The following MSI1 variants were observed in gnomAD, a reference collection of about 807,000 sequenced individuals.
MSI1 encodes the protein RNA-binding protein Musashi homolog 1.
Under a neutral mutation model 54.4 loss-of-function variants are expected in MSI1, and 15 were observed. The observed-to-expected ratio is 0.28, with a 90% CI of 0.18 to 0.42. The LOEUF (loss-of-function observed/expected upper bound fraction) is 0.42, where lower values mean the gene tolerates loss of function less well. MSI1 is among the 20% of genes least tolerant of loss of function. MSI1 has a pLI of 1.00. For missense variants in MSI1, 304 were observed against 506.0 expected, an observed-to-expected ratio of 0.60 and a Z score of 3.83; for synonymous variants, 200 against 196.5, an observed-to-expected ratio of 1.02 and a Z score of -0.15.
At chr12:120,348,893 CA>C (rs951238394) in intron 11 of MSI1, among the ~76,000 whole-genome samples, 24 of 150,940 alleles carry the variant, frequency 1.6e-4, no homozygotes, top group African/African-American at 5.6e-4. Context: ...AACTTCATCT[CA>C]AAAAAAATAA....
At chr12:120,345,491 G>A in intron 14 of MSI1, 79 bp downstream of exon 14, 1 of 1,282,102 alleles carries the variant, frequency 7.8e-7, no homozygotes, top group Non-Finnish European at 1.1e-6. Context: ...GCAGGGATGG[G>A]GTCTGTGTCC....
At chr12:120,364,085 G>A (rs1363211226) in intron 5 of MSI1, among the ~76,000 whole-genome samples, 4 of 152,190 alleles carry the variant, frequency 2.6e-5, no homozygotes, top group Non-Finnish European at 5.9e-5. Context: ...AGACTCTTAG[G>A]CCCCTGCCCT....
intron 5 of MSI1, among the ~76,000 whole-genome samples, chr12:120,364,179 C>G (rs1592949069): frequency 6.6e-6 from 1 of 152,210 alleles, no homozygotes; most frequent in South Asian, 2.1e-4. Context: ...ACTGGGAGAA[C>G]TCGCCAGAGC....
intron 9 of MSI1, among the ~76,000 whole-genome samples, chr12:120,355,053 A>T (rs892451468): frequency 6.6e-6 from 1 of 151,118 alleles, no homozygotes; most frequent in Non-Finnish European, 1.5e-5. Context: ...AAAAAAAAAA[A>T]AAAGAGCATT....
rs77432606 is a variant in MSI1 at position 120,368,059 on chromosome 12, C to G, written c.216G>C (p.Ala72=). 2.0e-4 allele frequency: 330 copies of G among 1,613,800 alleles called. No individual in the cohort carries two copies. The African/African-American group carries it at 3.0e-3, about 15-fold the overall frequency. The change falls in exon 4 of 15, where the codon GCG becomes GCC. Residue 72 remains alanine (A), a synonymous_variant. Coordinates refer to ENST00000257552, the MANE Select transcript of MSI1 (RefSeq NM_002442.4). This position sits in a 1 kb window ranked among gnomAD's most constrained non-coding sequence, Gnocchi z 6.6. ...GFGFVTFMDQ[A]GVDKVLAQSR... ...ATTGCGCCAGCACTTTATCCACCCC[C>G]GCCTGGTCCATGAAAGTGACGAAGC... is the stretch of plus-strand genomic sequence containing the variant.
chr12:120,368,320 T>TCCC lies in MSI1; in HGVS notation c.101-50_101-48dup. 2 of 1,249,210 alleles carry TCCC rather than the reference T, an allele frequency of 1.6e-6. No individual in the cohort carries two copies. Among genetic ancestry groups the TCCC allele is most frequent in the Middle Eastern group, 2.2e-4 (1 of 4,604 alleles). 77.4% of individuals were successfully genotyped at this position (1,249,210 alleles called of 1,614,324 possible). A position where few individuals can be genotyped will look rare whatever the true frequency, so the allele number is the denominator to read the frequency against. Reference sequence around the variant, plus strand: ...CGGACCAGCCCGGGCCCCGCGCCCTTCCCCCCCCCCCGTCCTTTGCCCCCG... The same window carrying TCCC: ...CGGACCAGCCCGGGCCCCGCGCCCTTCCCCCCCCCCCCCCGTCCTTTGCCCCCG... On this transcript the variant is annotated intron_variant, in intron 2 of 14. Transcript: ENST00000257552. The surrounding 1 kb of genome is among the most constrained non-coding windows in gnomAD (Gnocchi z 6.6).
Position 120,347,518 on chromosome 12 carries a change from A to C in MSI1, c.791-4T>G, listed in dbSNP as rs1291590069. Reference sequence around the variant, plus strand: ...CCGTAGGCAGTGAGAGGAATGGCTGAAAGGAAAGGGATGGGCACATCAGCA... The same window carrying C: ...CCGTAGGCAGTGAGAGGAATGGCTGCAAGGAAAGGGATGGGCACATCAGCA... On this transcript the variant is annotated splice_region_variant and splice_polypyrimidine_tract_variant and intron_variant, in intron 11 of 14. Transcript: ENST00000257552. The C allele has an allele frequency of 2.5e-6, 4 of 1,614,022 alleles. No homozygotes were observed. Among genetic ancestry groups the C allele is most frequent in the East Asian group, 2.2e-5 (1 of 44,872 alleles).
At chr12:120,345,077 G>A (rs1436525792) in intron 14 of MSI1, among the ~76,000 whole-genome samples, 1 of 149,816 alleles carries the variant, frequency 6.7e-6, no homozygotes, top group African/African-American at 2.5e-5. Flanking sequence ...TGTGGCCTGC[G>A]CTGGTGGCTC....
chr12:120,362,909 GC>G, intron 6 of MSI1, 133 bp downstream of exon 6: 1 of 753,660 alleles, frequency 1.3e-6, no homozygotes, highest in East Asian at 2.5e-5. Context: ...GGCCTGGTCT[GC>G]CCCCACAGCA....
chr12:120,356,880 G>A (rs1369317517), intron 9 of MSI1, 22 bp downstream of exon 9: 5 of 1,605,978 alleles, frequency 3.1e-6, no homozygotes, highest in South Asian at 2.2e-5. Context: ...GAAAGAAGCC[G>A]CAGGCGCAGG....
chr12:120,351,347 T>C lies in MSI1; in HGVS notation c.787A>G (p.Thr263Ala). The C allele has an allele frequency of 6.2e-7, 1 of 1,613,286 alleles. No individual in the cohort carries two copies. Among genetic ancestry groups the C allele is most frequent in the South Asian group, 1.1e-5 (1 of 90,984 alleles). Residue 263 changes from threonine (T) to alanine (A), a missense_variant, in exon 11 of 15, where the codon ACA becomes GCA. Thr to Ala is a moderately conservative substitution (Grantham distance 58). This residue lies in a region of MSI1 where 147 missense variants were observed against 231.5 expected (regional missense o/e 0.64). Transcript: ENST00000257552. ...LPSAPVLPEL[T>A]AIPLTAYGPM... The stretch of plus-strand genomic sequence containing the variant: ...ATACAAAATCCGAGCGACTGACCTG[T>C]AAGCTCGGGGAGGACTGGGGCGCTC...
At chr12:120,359,960 C>T (rs1338279348) in intron 6 of MSI1, among the ~76,000 whole-genome samples, 1 of 152,044 alleles carries the variant, frequency 6.6e-6, no homozygotes, top group African/African-American at 2.4e-5. Flanking sequence ...TACTCTCCTT[C>T]CCTCTACTTC....
chr12:120,364,905 A>G, intron 4 of MSI1, 150 bp from the exon 5 acceptor site: 1 of 611,510 alleles, frequency 1.6e-6, no homozygotes. Flanking sequence ...AATAGTGGTT[A>G]AGCATTTATT....
chr12:120,358,874 C>T (rs920378119), intron 7 of MSI1, 131 bp downstream of exon 7: 3 of 1,075,650 alleles, frequency 2.8e-6, no homozygotes, highest in Non-Finnish European at 1.4e-6. Context: ...TTCTGTAAGG[C>T]CAGGCCTGGG....
chr12:120,347,854 G>A (rs1056613914), intron 11 of MSI1, among the ~76,000 whole-genome samples: 2 of 152,148 alleles, frequency 1.3e-5, no homozygotes, highest in African/African-American at 2.4e-5. Context: ...GCCCGCAGCT[G>A]CCCCCTTCTC....
chr12:120,347,329 T>C (rs1287992237), intron 12 of MSI1, 117 bp downstream of exon 12: 4 of 1,204,852 alleles, frequency 3.3e-6, no homozygotes, highest in African/African-American at 3.0e-5. Context: ...AGGTGATACT[T>C]GAGTGAATGA....
rs752569477 is a variant in MSI1, at chr12:120,358,994, G to T, written c.451+11C>A. ...GGCCCAGCCTGGGAAGGGGGAGGGGGCCACACTCACCTCGGTGCCGGTTGG... is the reference window on the plus strand; with the variant it reads ...GGCCCAGCCTGGGAAGGGGGAGGGGTCCACACTCACCTCGGTGCCGGTTGG... On this transcript the variant is annotated intron_variant, in intron 7 of 14. Transcript: ENST00000257552. 2.6e-6 allele frequency: 4 copies of T among 1,566,956 alleles called. No homozygotes were observed. In the East Asian group the frequency reaches 9.4e-5, roughly 37 times the overall value.
At chr12:120,355,384 A>C (rs1592936831) in intron 9 of MSI1, among the ~76,000 whole-genome samples, 1 of 149,068 alleles carries the variant, frequency 6.7e-6, no homozygotes, top group East Asian at 2.0e-4. Flanking sequence ...CGGCCTGCGA[A>C]AGAGTGAGAC....
chr12:120,349,128 C>T (rs1592927669), intron 11 of MSI1, among the ~76,000 whole-genome samples: 1 of 144,048 alleles, frequency 6.9e-6, no homozygotes, highest in African/African-American at 2.5e-5. Context: ...CAGAGTCTAG[C>T]TCTGTTGCCC....
Sources: gnomAD v4.1 joint callset for allele counts (sites outside exome capture counted in the v4.1 genomes callset) on GRCh38, gnomAD v4.1.1 for gene constraint, gnomAD v4.1.1 regional missense constraint, Gnocchi (gnomAD v3.1) non-coding constraint, MANE v1.5 for transcripts, NCBI Gene and HGNC (gene_info 2026-07-23, HGNC 2026-07-21) for gene names.